The following ZFHX3 variants were observed in gnomAD, a reference collection of about 807,000 sequenced individuals.
The protein encoded by ZFHX3 is zinc finger homeobox 3, also known as zinc finger homeobox protein 3.
A neutral mutation model predicts 279.1 loss-of-function variants in ZFHX3; 42 were observed. The observed-to-expected ratio is 0.15, with a 90% CI of 0.12 to 0.19. The LOEUF (loss-of-function observed/expected upper bound fraction) is 0.19. Ranked by LOEUF, ZFHX3 falls within the 10% of genes least tolerant of loss-of-function variation. The pLI is 1.00. For synonymous variants in ZFHX3, 2,293 were observed against 1,957.8 expected, an observed-to-expected ratio of 1.17 and a Z score of -4.52; for missense variants, 4,981 against 4,754.0, an observed-to-expected ratio of 1.05 and a Z score of -1.40.
chr16:73,095,854 C>G (rs1184510357), intron 7 of ZFHX3, among the ~76,000 whole-genome samples: 2 of 152,170 alleles, frequency 1.3e-5, no homozygotes, highest in South Asian at 4.1e-4. Context: ...AAAAGAATCC[C>G]GGCCCCTTCT....
rs2052156438 is a variant in ZFHX3, at chr16:73,604,418, C to G, written c.-1547+75762G>C. Among the ~76,000 whole-genome samples the G allele has an allele frequency of 2.0e-5, 3 of 152,146 alleles. No homozygotes were observed. The South Asian group carries it at 6.2e-4, about 32-fold the overall frequency. The stretch of plus-strand genomic sequence containing the variant: ...CCACTGGAAACATAGGTCAACTCAT[C>G]AGATACGCCTTAGCTTAGCAAGTTA... On this transcript the variant is annotated intron_variant, in intron 2 of 17. Coordinates refer to the ZFHX3 transcript ENST00000641206.
At chr16:73,622,203 A>AGGG (rs1481522253) in intron 2 of ZFHX3, among the ~76,000 whole-genome samples, 1 of 152,200 alleles carries the variant, frequency 6.6e-6, no homozygotes, top group Admixed American at 6.5e-5. Context: ...ATCCTTGTTT[A>AGGG]GCCACAGATC....
chr16:73,362,595 G>A lies in ZFHX3; in HGVS notation c.-1290-44259C>T, dbSNP rs530361920. ...TCACAAAGAAACATTCAGAACCACC[G>A]ATGAATTCATCTAATATTTCAATAC... On this transcript the variant is annotated intron_variant, in intron 3 of 17. Coordinates refer to the ZFHX3 transcript ENST00000641206. 3.0e-4 allele frequency among the ~76,000 whole-genome samples: 45 copies of A among 152,324 alleles called. 2 individuals are homozygous for A. The South Asian group carries it at 7.3e-3, about 25-fold the overall frequency.
chr16:73,806,442 C>T (rs1279531283), intron 1 of ZFHX3, among the ~76,000 whole-genome samples: 8 of 152,158 alleles, frequency 5.3e-5, no homozygotes, highest in South Asian at 2.1e-4. Context: ...TCTGAGGTCA[C>T]GGCTTTAGCT....
chr16:72,967,456 G>GAA (rs995787602), intron 1 of ZFHX3, among the ~76,000 whole-genome samples: 1 of 146,750 alleles, frequency 6.8e-6, no homozygotes, highest in South Asian at 2.1e-4. Context: ...CCTACTTTAA[G>GAA]AAAAAAAAAA....
intron 5 of ZFHX3, among the ~76,000 whole-genome samples, chr16:73,218,303 A>C (rs1268914855): frequency 6.6e-6 from 1 of 152,238 alleles, no homozygotes; most frequent in Non-Finnish European, 1.5e-5. Flanking sequence ...TTGTAGTCTT[A>C]AAATCTCATA....
chr16:73,117,592 C>G (rs1966446844), intron 7 of ZFHX3, among the ~76,000 whole-genome samples: 1 of 152,096 alleles, frequency 6.6e-6, no homozygotes, highest in Non-Finnish European at 1.5e-5. Context: ...AAAGAAATGG[C>G]AAGAAAGGGT....
rs550615658 is a variant in ZFHX3 at position 73,366,322 on chromosome 16, G to T, written c.-1290-47986C>A. 9.2e-5 allele frequency among the ~76,000 whole-genome samples: 14 copies of T among 152,264 alleles called. 1 individual carries two copies. The highest frequency in any genetic ancestry group is 6.5e-4 in the Admixed American group (10 of 15,296). ...AGCTATTAATAGAGATCATTATGAA[G>T]ATTTTGTAGCACCATTTTTAAAAGG... On this transcript the variant is annotated intron_variant, in intron 3 of 17. Transcript: ENST00000641206.
intron 2 of ZFHX3, among the ~76,000 whole-genome samples, chr16:73,541,723 C>T (rs1213289286): frequency 6.7e-6 from 1 of 150,166 alleles, no homozygotes; most frequent in Non-Finnish European, 1.5e-5. Flanking sequence ...GGAGTGCAGT[C>T]GCCATTCCTC....
chr16:73,247,539 C>CTG (rs1197779294), intron 5 of ZFHX3, among the ~76,000 whole-genome samples: 2 of 139,624 alleles, frequency 1.4e-5, no homozygotes, highest in African/African-American at 2.7e-5. Flanking sequence ...TATAATGTGT[C>CTG]TGTGTCTATG....
At chr16:73,634,216 T>C (rs1406227006) in intron 2 of ZFHX3, among the ~76,000 whole-genome samples, 1 of 151,746 alleles carries the variant, frequency 6.6e-6, no homozygotes, top group African/African-American at 2.4e-5. Context: ...TGGGAAATTA[T>C]CATGTTTTAC....
Position 73,838,795 on chromosome 16 carries a change from C to T in ZFHX3, c.-1608+52856G>A, listed in dbSNP as rs199671804. Among the ~76,000 whole-genome samples, 446 of 151,150 alleles carry T rather than the reference C, an allele frequency of 3.0e-3. 1 individual carries two copies. The highest frequency in any genetic ancestry group is 9.8e-3 in the African/African-American group (402 of 40,974). ...GTGTGTGTGTGTGTGTGTGTGCGTG[C>T]GCGCACGCATGTATGGTGTGTACCG... On this transcript the variant is annotated intron_variant, in intron 1 of 17. Coordinates refer to the ZFHX3 transcript ENST00000641206.
intron 1 of ZFHX3, among the ~76,000 whole-genome samples, chr16:73,787,855 A>AAGAGAGAG (rs148741157): frequency 2.0e-4 from 22 of 110,716 alleles, no homozygotes; most frequent in African/African-American, 6.5e-4. Context: ...GTGTGTGTGA[A>AAGAGAGAG]AGAGAGAGAG....
intron 3 of ZFHX3, among the ~76,000 whole-genome samples, chr16:73,394,077 T>C (rs939731964): frequency 3.3e-5 from 5 of 150,352 alleles, no homozygotes; most frequent in Non-Finnish European, 5.9e-5. Flanking sequence ...AAAATTCCTA[T>C]CGAAATGGAT....
intron 1 of ZFHX3, among the ~76,000 whole-genome samples, chr16:73,765,237 GAA>G (rs200124672): frequency 4.6e-5 from 7 of 151,252 alleles, no homozygotes; most frequent in Non-Finnish European, 8.9e-5. Context: ...CTAAGGGTTA[GAA>G]AAAAAAAGAC....
chr16:73,473,008 A>G (rs2018695905), intron 2 of ZFHX3, among the ~76,000 whole-genome samples: 1 of 146,864 alleles, frequency 6.8e-6, no homozygotes, highest in Admixed American at 6.8e-5. Flanking sequence ...TTTTGCCAGG[A>G]CCCTGACTAG....
intron 2 of ZFHX3, among the ~76,000 whole-genome samples, chr16:73,475,254 C>A (rs1043322295): frequency 6.6e-6 from 1 of 152,146 alleles, no homozygotes; most frequent in Admixed American, 6.5e-5. Context: ...TTACGATATT[C>A]GTGGACTTAC....
chr16:73,170,311 A>T (rs1967492882), intron 5 of ZFHX3, among the ~76,000 whole-genome samples: 1 of 134,796 alleles, frequency 7.4e-6, no homozygotes, highest in Non-Finnish European at 1.5e-5. Flanking sequence ...GCTCACTGCA[A>T]CCTCCACCTC....
chr16:72,848,517 T>A (rs72793298), intron 4 of ZFHX3, among the ~76,000 whole-genome samples: 3 of 152,064 alleles, frequency 2.0e-5, no homozygotes, highest in South Asian at 4.1e-4. Context: ...TTCCTAAGCC[T>A]CCTCCTCAAC....
Sources: allele counts gnomAD v4.1 joint callset (sites outside exome capture counted in the v4.1 genomes callset), GRCh38; gene constraint gnomAD v4.1.1; transcripts MANE v1.5; gene names NCBI Gene and HGNC (gene_info 2026-07-23, HGNC 2026-07-21).